Variants in CD2AP observed in about 807,000 individuals in gnomAD.
CD2AP encodes CD2-associated protein.
Under a neutral mutation model 85.1 loss-of-function variants are expected in CD2AP, and 46 were observed. That is an observed-to-expected ratio of 0.54 (90% CI 0.43 to 0.69). The LOEUF (loss-of-function observed/expected upper bound fraction) is 0.69. CD2AP is among the 30% of genes least tolerant of loss of function. The pLI is 0.00. For synonymous variants in CD2AP, 255 were observed against 252.9 expected, an observed-to-expected ratio of 1.01 and a Z score of -0.08; for missense variants, 769 against 729.5, an observed-to-expected ratio of 1.05 and a Z score of -0.62.
chr6:47,573,213 TA>T (rs1290644040), intron 5 of CD2AP, among the ~76,000 whole-genome samples: 1 of 152,148 alleles, frequency 6.6e-6, no homozygotes, highest in Non-Finnish European at 1.5e-5. Context: ...ATGTTAAACT[TA>T]AAAATTTTTT....
chr6:47,522,912 T>C (rs1006042045), intron 2 of CD2AP, among the ~76,000 whole-genome samples: 1 of 151,914 alleles, frequency 6.6e-6, no homozygotes, highest in Non-Finnish European at 1.5e-5. Context: ...GAATAAGAGA[T>C]GTATGTATAT....
chr6:47,552,573 C>T (rs1375218259), intron 4 of CD2AP, among the ~76,000 whole-genome samples: 3 of 151,840 alleles, frequency 2.0e-5, no homozygotes, highest in Non-Finnish European at 4.4e-5. Context: ...GGCATTTGGG[C>T]GGGTTCTATA....
chr6:47,478,368 CCT>C (rs1765359702), intron 1 of CD2AP, 120 bp downstream of exon 1: 1 of 1,127,220 alleles, frequency 8.9e-7, no homozygotes, highest in Non-Finnish European at 1.3e-6. Flanking sequence ...AGCACCCCAC[CCT>C]CTCCATTCTC....
chr6:47,532,963 G>A (rs4715028), intron 2 of CD2AP, among the ~76,000 whole-genome samples: 91,696 of 151,852 alleles, frequency 0.6, 28,460 homozygotes, highest in Middle Eastern at 0.74. Flanking sequence ...TTATAGCCAT[G>A]ACTTAGATCA....
intron 1 of CD2AP, among the ~76,000 whole-genome samples, chr6:47,497,272 T>TC (rs1429482857): frequency 2.0e-5 from 3 of 151,058 alleles, no homozygotes; most frequent in Non-Finnish European, 4.4e-5. Flanking sequence ...CTTCCTTTTT[T>TC]CCCTTCCTTT....
chr6:47,523,423 T>A (rs1172779073), intron 2 of CD2AP, among the ~76,000 whole-genome samples: 1 of 152,120 alleles, frequency 6.6e-6, no homozygotes, highest in African/African-American at 2.4e-5. Flanking sequence ...AATTTTTATT[T>A]AGAGAAAAGA....
intron 4 of CD2AP, among the ~76,000 whole-genome samples, chr6:47,546,087 G>C (rs1452621743): frequency 6.6e-6 from 1 of 152,006 alleles, no homozygotes; most frequent in African/African-American, 2.4e-5. Flanking sequence ...ATGAAGCCCA[G>C]TTTAAGGAAA....
At chr6:47,490,592 G>A (rs1044180868) in intron 1 of CD2AP, among the ~76,000 whole-genome samples, 4 of 151,952 alleles carry the variant, frequency 2.6e-5, no homozygotes, top group South Asian at 2.1e-4. Flanking sequence ...TCACATGTAC[G>A]TGGTAATTTC....
intron 4 of CD2AP, among the ~76,000 whole-genome samples, chr6:47,554,085 G>A (rs1451956608): frequency 6.6e-6 from 1 of 151,888 alleles, no homozygotes; most frequent in South Asian, 2.1e-4. Flanking sequence ...GCTAACTTTC[G>A]TATTTTTTTT....
At chr6:47,557,512 A>C (rs1206871673) in intron 5 of CD2AP, among the ~76,000 whole-genome samples, 1 of 152,160 alleles carries the variant, frequency 6.6e-6, no homozygotes, top group Non-Finnish European at 1.5e-5. Flanking sequence ...ATAAGGTATA[A>C]GGAAGGGGTC....
chr6:47,579,863 G>A (rs1562041656), intron 9 of CD2AP: 1 of 172,866 alleles, frequency 5.8e-6, no homozygotes, highest in African/African-American at 2.4e-5. Flanking sequence ...TATGCTGTTG[G>A]TGCATTTTTT....
rs752979654 is a variant in CD2AP, at chr6:47,544,617, C to T, written c.331C>T (p.Arg111Cys). ...TKNIKKKTKK[R>C]QCKVLFEYIP... ...GTTACTTTCTTTAGAGACCAAGAAG[C>T]GTCAGTGTAAAGTTCTTTTTGAGTA... The change falls in exon 4 of 18, where the codon CGT (arginine) becomes TGT (cysteine). Residue 111 changes from arginine to cysteine, a missense_variant. Arg to Cys is a radical substitution (Grantham distance 180). Transcript: ENST00000359314. 1.8e-5 allele frequency: 29 copies of T among 1,603,366 alleles called. No individual in the cohort carries two copies. The highest frequency in any genetic ancestry group is 5.0e-5 in the Admixed American group (3 of 59,978).
At position 47,591,793 on chromosome 6, in the gene CD2AP, A is replaced by T. The variant is rs574784132; in HGVS notation, c.1109-4068A>T. Among the ~76,000 whole-genome samples, 53 of 151,918 alleles carry T rather than the reference A, an allele frequency of 3.5e-4. No individual in the cohort carries two copies. The South Asian group carries it at 5.4e-3, about 15-fold the overall frequency. ...AGCATACATTTTAGACATTTTTGTTAAAAAAATTATATACCTGAGATAACT... is the reference window on the plus strand; with the variant it reads ...AGCATACATTTTAGACATTTTTGTTTAAAAAATTATATACCTGAGATAACT... On this transcript the variant is annotated intron_variant, in intron 11 of 17. Transcript: ENST00000359314.
rs532558480 is a variant in CD2AP at position 47,620,677 on chromosome 6, C to T, written c.1879-3509C>T. 2.0e-4 allele frequency among the ~76,000 whole-genome samples: 30 copies of T among 152,204 alleles called. 1 individual carries two copies. In the South Asian group the frequency reaches 2.5e-3, roughly 13 times the overall value. ...TCACAATATTGATTCTACCCATCCACGAGCGTGGGATGTGTTTTCATTTGT... is the reference window on the plus strand; with the variant it reads ...TCACAATATTGATTCTACCCATCCATGAGCGTGGGATGTGTTTTCATTTGT... On this transcript the variant is annotated intron_variant, in intron 17 of 17. Coordinates refer to ENST00000359314, the MANE Select transcript of CD2AP (RefSeq NM_012120.3).
intron 9 of CD2AP, among the ~76,000 whole-genome samples, chr6:47,580,466 C>A (rs377658847): frequency 2.7e-5 from 4 of 149,420 alleles, no homozygotes; most frequent in Non-Finnish European, 5.9e-5. Context: ...ACAAAACAAA[C>A]AAAAAAAAAA....
intron 11 of CD2AP, among the ~76,000 whole-genome samples, chr6:47,586,943 A>G (rs1425023993): frequency 6.6e-6 from 1 of 152,164 alleles, no homozygotes; most frequent in Non-Finnish European, 1.5e-5. Context: ...GATTCTAAGT[A>G]TTTTCAGAAT....
At chr6:47,617,314 C>T (rs1308644782) in intron 17 of CD2AP, among the ~76,000 whole-genome samples, 1 of 152,122 alleles carries the variant, frequency 6.6e-6, no homozygotes, top group Non-Finnish European at 1.5e-5. Flanking sequence ...TCACTGGTAT[C>T]CTTGGCTTTT....
At chr6:47,587,226 G>C (rs1768654387) in intron 11 of CD2AP, among the ~76,000 whole-genome samples, 1 of 152,068 alleles carries the variant, frequency 6.6e-6, no homozygotes, top group Non-Finnish European at 1.5e-5. Flanking sequence ...TTTTTCATTT[G>C]TATTTGTGTT....
intron 5 of CD2AP, among the ~76,000 whole-genome samples, chr6:47,569,790 A>G (rs1333159675): frequency 6.6e-6 from 1 of 152,112 alleles, no homozygotes; most frequent in African/African-American, 2.4e-5. Flanking sequence ...CAGGCTAGTC[A>G]CCAGGAGTCA....
Sources: allele counts gnomAD v4.1 joint callset (sites outside exome capture counted in the v4.1 genomes callset), GRCh38; gene constraint gnomAD v4.1.1; transcripts MANE v1.5; gene names NCBI Gene and HGNC (gene_info 2026-07-23, HGNC 2026-07-21).